Variants in NUP98 observed in about 807,000 individuals in gnomAD.
NUP98 encodes the protein nucleoporin 98 and 96 precursor, also known as nuclear pore complex protein Nup98-Nup96.
A neutral mutation model predicts 191.9 loss-of-function variants in NUP98; 26 were observed. The observed-to-expected ratio is 0.14, with a 90% CI of 0.10 to 0.19. NUP98 has a LOEUF of 0.19. Among genes scored for constraint, NUP98 ranks in the 10% least tolerant of loss-of-function variants. NUP98 has a pLI of 1.00. For missense variants in NUP98, 1,941 were observed against 2,178.8 expected (o/e 0.89, Z 2.17); for synonymous variants, 808 against 778.4 (o/e 1.04, Z -0.63).
At chr11:3,687,857 C>T (rs921886223) in intron 28 of NUP98, among the ~76,000 whole-genome samples, 1 of 151,148 alleles carries the variant, frequency 6.6e-6, no homozygotes, top group Admixed American at 6.6e-5. Context: ...GTCAGGAGAT[C>T]GAGACTATCT....
At chr11:3,712,022 C>T (rs1373237883) in intron 20 of NUP98, 5 of 1,049,074 alleles carry the variant, frequency 4.8e-6, no homozygotes, top group Admixed American at 1.1e-4. Context: ...TCTCCCCAAG[C>T]CAAATAATAA....
chr11:3,730,948 G>T (rs1029326809), intron 14 of NUP98, among the ~76,000 whole-genome samples: 1 of 152,132 alleles, frequency 6.6e-6, no homozygotes, highest in Non-Finnish European at 1.5e-5. Flanking sequence ...TCTTCTTTGT[G>T]ATGTTCTGTA....
At chr11:3,685,099 C>T (rs929248059) in intron 29 of NUP98, among the ~76,000 whole-genome samples, 5 of 152,086 alleles carry the variant, frequency 3.3e-5, no homozygotes, top group Non-Finnish European at 7.4e-5. Flanking sequence ...GAACATAAAA[C>T]AGTTAATATA....
intron 11 of NUP98, among the ~76,000 whole-genome samples, chr11:3,749,977 T>A (rs1393166405): frequency 6.6e-6 from 1 of 152,326 alleles, no homozygotes; most frequent in South Asian, 2.1e-4. Context: ...ATTTGATGTA[T>A]CAATCCTACA....
intron 11 of NUP98, among the ~76,000 whole-genome samples, chr11:3,749,562 T>C (rs938459959): frequency 6.8e-6 from 1 of 147,930 alleles, no homozygotes; most frequent in Non-Finnish European, 1.5e-5. Context: ...GAGGCGGAGG[T>C]TGCCATGAGC....
chr11:3,687,170 G>C (rs1200288643), intron 28 of NUP98, among the ~76,000 whole-genome samples: 1 of 152,106 alleles, frequency 6.6e-6, no homozygotes. Context: ...CTGGGTTCAA[G>C]TGATCGTCCC....
chr11:3,768,512 A>G (rs2134579497), intron 8 of NUP98, 69 bp downstream of exon 8: 1 of 1,358,250 alleles, frequency 7.4e-7, no homozygotes, highest in Non-Finnish European at 9.7e-7. Context: ...CTAGTTTGAC[A>G]TGATTAGAAT....
At chr11:3,753,490 T>C in intron 10 of NUP98, 82 bp from the exon 11 acceptor site, 1 of 1,063,992 alleles carries the variant, frequency 9.4e-7, no homozygotes, top group Non-Finnish European at 1.4e-6. Context: ...CACAAAGCAG[T>C]CTGACTTTAA....
At chr11:3,679,909 ACAAATTTTTT>A in intron 30 of NUP98, 1 of 589,606 alleles carries the variant, frequency 1.7e-6, no homozygotes, top group Non-Finnish European at 2.9e-6. Context: ...CAATAAAATC[ACAAATTTTTT>A]GGTTTTCCAG....
At chr11:3,781,035 A>C (rs2081949875) in intron 2 of NUP98, among the ~76,000 whole-genome samples, 1 of 151,852 alleles carries the variant, frequency 6.6e-6, no homozygotes, top group Non-Finnish European at 1.5e-5. Flanking sequence ...AGCTGAGAAA[A>C]ATGAGCCAGG....
At chr11:3,740,201 G>A (rs2080229246) in intron 12 of NUP98, among the ~76,000 whole-genome samples, 1 of 152,048 alleles carries the variant, frequency 6.6e-6, no homozygotes, top group African/African-American at 2.4e-5. Context: ...TTGAAAACAG[G>A]AAGAGGAAAG....
intron 26 of NUP98, among the ~76,000 whole-genome samples, chr11:3,694,357 C>T (rs566563077): frequency 3.0e-4 from 45 of 151,120 alleles, no homozygotes; most frequent in African/African-American, 9.7e-4. Context: ...ACAATAAGAG[C>T]GAAACTCTAT....
chr11:3,744,756 CA>C, intron 11 of NUP98, 107 bp from the exon 12 acceptor site: 1 of 1,275,986 alleles, frequency 7.8e-7, no homozygotes, highest in African/African-American at 1.5e-5. Flanking sequence ...TCATAGTGAC[CA>C]CTCATTTCAA....
chr11:3,712,672 A>C lies in NUP98; in HGVS notation c.2634T>G (p.His878Gln). Residue 878 changes from histidine to glutamine, a missense_variant, in exon 20 of 33, where the codon CAT (histidine) becomes CAG (glutamine). Around this residue, in one of 6 missense-constraint regions of NUP98, gnomAD observed 95 missense variants for 139.7 expected, o/e 0.68. Transcript: ENST00000324932. ...ACTTCTTTGTACTAGTTTTAGACGG[A>C]TGCTCCTCCTCCTCTTCATCAGAAT... ...LQDSDEEEEEHPSKTSTKKLK... is the reference protein window; with the variant it reads ...LQDSDEEEEEQPSKTSTKKLK... The C allele has an allele frequency of 3.1e-6, 5 of 1,613,432 alleles. No individual in the cohort carries two copies. The highest frequency in any genetic ancestry group is 3.4e-6 in the Non-Finnish European group (4 of 1,179,988).
chr11:3,768,758 G>GAA lies in NUP98; in HGVS notation c.785-16_785-15dup. 18 of 800,278 alleles carry GAA rather than the reference G, an allele frequency of 2.2e-5. No individual in the cohort carries two copies. The highest frequency in any genetic ancestry group is 3.6e-4 in the Middle Eastern group (1 of 2,744). The allele number at this position is 800,278 out of a possible 1,614,324, so 49.6% of individuals were successfully genotyped here. A position where few individuals can be genotyped will look rare whatever the true frequency, so the allele number is the denominator to read the frequency against. On this transcript the variant is annotated splice_polypyrimidine_tract_variant and intron_variant, in intron 7 of 32. Transcript: ENST00000324932. ...ATCCAGTTGTACCTTTTAGGAAAAA[G>GAA]AAAAAAAAAAGAAAAAAGAAATAAT...
intron 11 of NUP98, among the ~76,000 whole-genome samples, chr11:3,746,294 A>AAAAAAAAAAAAAAAG (rs144936005): frequency 2.1e-5 from 2 of 93,092 alleles, no homozygotes; most frequent in African/African-American, 1.0e-4. Flanking sequence ...AAAAAAAAAA[A>AAAAAAAAAAAAAAAG]GACAGCTTTG....
intron 2 of NUP98, among the ~76,000 whole-genome samples, chr11:3,779,655 A>T (rs976605413): frequency 2.0e-5 from 3 of 152,164 alleles, no homozygotes; most frequent in African/African-American, 7.2e-5. Flanking sequence ...AAAAAAAAAA[A>T]AATTCTGCAT....
chr11:3,729,210 T>C (rs910318124), intron 14 of NUP98, among the ~76,000 whole-genome samples: 2 of 151,984 alleles, frequency 1.3e-5, no homozygotes, highest in African/African-American at 4.8e-5. Flanking sequence ...ACTTTGGAAA[T>C]AAGCATAGAT....
chr11:3,699,018 G>C, intron 25 of NUP98, 64 bp downstream of exon 25: 2 of 1,568,114 alleles, frequency 1.3e-6, no homozygotes, highest in South Asian at 2.3e-5. Context: ...TTAGCGGGGA[G>C]CGGTAGGAGG....
Sources: gnomAD v4.1 joint callset for allele counts (sites outside exome capture counted in the v4.1 genomes callset) on GRCh38, gnomAD v4.1.1 for gene constraint, gnomAD v4.1.1 regional missense constraint, MANE v1.5 for transcripts, NCBI Gene and HGNC (gene_info 2026-07-23, HGNC 2026-07-21) for gene names.